SPSB4: variants seen among roughly 807,000 people sequenced by gnomAD.
SPSB4 encodes the protein SPRY domain-containing SOCS box protein 4.
In SPSB4, 21 loss-of-function variants were observed where a neutral mutation model predicts 20.9. The ratio of observed to expected loss-of-function variants is 1.01; its 90% CI spans 0.71 to 1.45. SPSB4 has a LOEUF of 1.45. SPSB4 is among the 40% of genes most tolerant of loss of function. The pLI, the probability that SPSB4 is intolerant of heterozygous loss-of-function variation, is 0.00. For synonymous variants in SPSB4, 207 were observed against 183.8 expected (o/e 1.13, Z -1.02); for missense variants, 399 against 399.2 (o/e 1.00, Z 0.00).
In SPSB4 at chr3:141,066,657, G is replaced by T. The variant is rs748900975; in HGVS notation, c.553G>T (p.Glu185Ter). Residue 185 changes from glutamate (E) to a stop codon, truncating the protein, a stop_gained, in exon 2 of 3, where the codon GAG becomes TAG. Coordinates refer to ENST00000310546, the MANE Select transcript of SPSB4 (RefSeq NM_080862.3). LOFTEE classifies it high-confidence loss of function. ...GCTGCTCGTGGTGCTGGACATGGAT[G>T]AGGGCACACTCAGCTTCATCGTGGA... ...DSLLVVLDMD[E>*]GTLSFIVDGQ... 2 of 1,613,148 alleles carry T rather than the reference G, an allele frequency of 1.2e-6. No individual in the cohort carries two copies. Among genetic ancestry groups the T allele is most frequent in the Non-Finnish European group, 1.7e-6 (2 of 1,179,736 alleles).
chr3:141,119,617 A>C (rs4683562), intron 2 of SPSB4, among the ~76,000 whole-genome samples: 10,647 of 152,176 alleles, frequency 0.07, 752 homozygotes, highest in Admixed American at 0.22. Context: ...GTATGATATT[A>C]GCTGTGGGTT....
At chr3:141,063,177 G>T (rs1323306428) in intron 1 of SPSB4, among the ~76,000 whole-genome samples, 1 of 152,168 alleles carries the variant, frequency 6.6e-6, no homozygotes, top group South Asian at 2.1e-4. Flanking sequence ...AGATTACAGT[G>T]CCTGCTTAGT....
At chr3:141,119,079 G>A (rs1317623775) in intron 2 of SPSB4, among the ~76,000 whole-genome samples, 2 of 152,162 alleles carry the variant, frequency 1.3e-5, no homozygotes, top group Non-Finnish European at 2.9e-5. Flanking sequence ...ATTACCTTGG[G>A]CAGTATGACT....
At chr3:141,068,178 G>A (rs575647281) in intron 2 of SPSB4, among the ~76,000 whole-genome samples, 14 of 152,364 alleles carry the variant, frequency 9.2e-5, no homozygotes, top group African/African-American at 3.4e-4. Context: ...ATGGAAAAGT[G>A]GCTGCTGGTA....
At chr3:141,067,809 C>T (rs981175421) in intron 2 of SPSB4, among the ~76,000 whole-genome samples, 1 of 152,202 alleles carries the variant, frequency 6.6e-6, no homozygotes, top group African/African-American at 2.4e-5. Flanking sequence ...ATCCAGACTT[C>T]CTGCCACACC....
chr3:141,083,295 TG>T (rs1278396379), intron 2 of SPSB4, among the ~76,000 whole-genome samples: 1 of 152,150 alleles, frequency 6.6e-6, no homozygotes, highest in Non-Finnish European at 1.5e-5. Context: ...GGAGGGCCCA[TG>T]GGGACTGTGT....
At chr3:141,052,619 G>C (rs1180761682) in intron 1 of SPSB4, among the ~76,000 whole-genome samples, 1 of 152,172 alleles carries the variant, frequency 6.6e-6, no homozygotes, top group Non-Finnish European at 1.5e-5. Flanking sequence ...AATAGGCACC[G>C]GTGGCTGTTG....
intron 2 of SPSB4, among the ~76,000 whole-genome samples, chr3:141,088,176 C>T (rs1938386478): frequency 6.6e-6 from 1 of 152,174 alleles, no homozygotes. Context: ...ACACCTTCCC[C>T]TGGACTGCAG....
Position 141,102,400 on chromosome 3 carries a change from G to A in SPSB4, c.694+35602G>A, listed in dbSNP as rs550975652. Among the ~76,000 whole-genome samples, 8 of 152,156 alleles carry A rather than the reference G, an allele frequency of 5.3e-5. No homozygotes were observed. The South Asian group carries it at 8.3e-4, about 16-fold the overall frequency. On this transcript the variant is annotated intron_variant, in intron 2 of 2. Coordinates refer to ENST00000310546, the MANE Select transcript of SPSB4 (RefSeq NM_080862.3). ...TTACTAGTGTGCAGGGTGGCATGTC[G>A]GGAAGGTAGATGGTCCTGGGAGAGT...
chr3:141,145,268 T>C (rs1939395999), intron 2 of SPSB4, among the ~76,000 whole-genome samples: 1 of 151,828 alleles, frequency 6.6e-6, no homozygotes, highest in Non-Finnish European at 1.5e-5. Context: ...AGGTGAGTGT[T>C]TGGAGTCACT....
chr3:141,120,644 C>G (rs907576203), intron 2 of SPSB4, among the ~76,000 whole-genome samples: 1 of 152,110 alleles, frequency 6.6e-6, no homozygotes, highest in Non-Finnish European at 1.5e-5. Context: ...CTTGTTGAAT[C>G]GATCCCTTTA....
At chr3:141,134,030 CTTTTCTTTTTTTTTTTTTCTT>C (rs1939181675) in intron 2 of SPSB4, among the ~76,000 whole-genome samples, 6 of 37,752 alleles carry the variant, frequency 1.6e-4, no homozygotes, top group South Asian at 1.4e-3. Flanking sequence ...TTTTTTTTTT[CTTTTCTTTTTTTTTTTTTCTT>C]TTTTCTTTTT....
intron 2 of SPSB4, among the ~76,000 whole-genome samples, chr3:141,083,089 T>G (rs1250979040): frequency 1.3e-5 from 2 of 151,296 alleles, no homozygotes; most frequent in East Asian, 3.9e-4. Context: ...ATCTCTGCTT[T>G]CTTTCTTTGG....
chr3:141,142,605 G>A (rs1559858940), intron 2 of SPSB4, among the ~76,000 whole-genome samples: 1 of 152,036 alleles, frequency 6.6e-6, no homozygotes, highest in Non-Finnish European at 1.5e-5. Context: ...TGTTGACTCT[G>A]TCTTGGTGAA....
chr3:141,142,910 A>G (rs541678528), intron 2 of SPSB4, among the ~76,000 whole-genome samples: 175 of 135,848 alleles, frequency 1.3e-3, no homozygotes, highest in African/African-American at 4.5e-3. Flanking sequence ...TCCACCTCCC[A>G]GGTTCACACC....
chr3:141,063,064 G>A (rs1351487903), intron 1 of SPSB4, among the ~76,000 whole-genome samples: 1 of 152,196 alleles, frequency 6.6e-6, no homozygotes, highest in African/African-American at 2.4e-5. Context: ...GCTATTTGGT[G>A]AGTTCGGTCT....
At chr3:141,117,831 A>G (rs1489165292) in intron 2 of SPSB4, among the ~76,000 whole-genome samples, 1 of 152,186 alleles carries the variant, frequency 6.6e-6, no homozygotes, top group Non-Finnish European at 1.5e-5. Flanking sequence ...AAGGACATTA[A>G]CTCATCCTTT....
intron 2 of SPSB4, among the ~76,000 whole-genome samples, chr3:141,145,903 C>A (rs1939406178): frequency 6.6e-6 from 1 of 152,148 alleles, no homozygotes; most frequent in Non-Finnish European, 1.5e-5. Context: ...GTGCCTTTAA[C>A]CCTCCTATTC....
intron 2 of SPSB4, among the ~76,000 whole-genome samples, chr3:141,102,020 T>C (rs1448878011): frequency 6.6e-6 from 1 of 152,256 alleles, no homozygotes; most frequent in Non-Finnish European, 1.5e-5. Flanking sequence ...CAGTGGATTC[T>C]CACATAAATC....
Sources: allele counts gnomAD v4.1 joint callset (sites outside exome capture counted in the v4.1 genomes callset), GRCh38; gene constraint gnomAD v4.1.1; transcripts MANE v1.5; gene names NCBI Gene and HGNC (gene_info 2026-07-23, HGNC 2026-07-21).